Variants in MYO18B observed in about 807,000 individuals in gnomAD.
The protein encoded by MYO18B is unconventional myosin-XVIIIb.
In MYO18B, 204 loss-of-function variants were observed where a neutral mutation model predicts 273.0. The ratio of observed to expected loss-of-function variants is 0.75; its 90% CI spans 0.67 to 0.84. The LOEUF (loss-of-function observed/expected upper bound fraction) is 0.84. MYO18B is among the 40% of genes least tolerant of loss of function. MYO18B has a pLI of 0.00. For missense variants in MYO18B, 3,212 were observed against 3,287.6 expected (o/e 0.98, Z 0.56); for synonymous variants, 1,330 against 1,305.7 (o/e 1.02, Z -0.40).
chr22:25,773,769 T>C (rs1311831456), intron 7 of MYO18B, among the ~76,000 whole-genome samples: 1 of 152,156 alleles, frequency 6.6e-6, no homozygotes, highest in African/African-American at 2.4e-5. Flanking sequence ...GGCCGATTTG[T>C]ATCTATTTTT....
At chr22:25,924,319 A>G (rs552634987) in intron 34 of MYO18B, among the ~76,000 whole-genome samples, 3 of 152,246 alleles carry the variant, frequency 2.0e-5, no homozygotes, top group Non-Finnish European at 2.9e-5. Context: ...GCTGGCTGCT[A>G]CTTAAGTGCT....
At chr22:25,923,337 C>G (rs964734421) in intron 34 of MYO18B, among the ~76,000 whole-genome samples, 4 of 152,206 alleles carry the variant, frequency 2.6e-5, no homozygotes, top group Admixed American at 6.5e-5. Context: ...AGTCCTGGGT[C>G]CTGGGCAAGC....
intron 15 of MYO18B, 100 bp from the exon 16 acceptor site, chr22:25,832,817 A>C: frequency 1.0e-6 from 1 of 1,002,246 alleles, no homozygotes; most frequent in Non-Finnish European, 1.5e-6. Flanking sequence ...TAAAGGGCCA[A>C]GAGGTGATGG....
At chr22:26,024,241 C>A (rs932179236) in intron 42 of MYO18B, among the ~76,000 whole-genome samples, 2 of 152,144 alleles carry the variant, frequency 1.3e-5, no homozygotes, top group Admixed American at 6.5e-5. Context: ...ATAAATTATT[C>A]ATCATAACCA....
chr22:25,934,796 G>A (rs571172363), intron 34 of MYO18B, among the ~76,000 whole-genome samples: 3 of 152,300 alleles, frequency 2.0e-5, no homozygotes, highest in South Asian at 4.1e-4. Context: ...GCAGAGGGAT[G>A]ACTTTGAATA....
chr22:25,845,540 A>C lies in MYO18B; in HGVS notation c.3369-560A>C, dbSNP rs555446305. Among the ~76,000 whole-genome samples the C allele has an allele frequency of 3.2e-4, 48 of 151,712 alleles. 1 individual carries two copies. Among genetic ancestry groups the C allele is most frequent in the Admixed American group, 7.8e-4 (12 of 15,296 alleles). Reference sequence around the variant, plus strand: ...CAAAAAAACCAACAACAACAACAACAAAAACGAAAAGCTAGCATCCTGGCC... The same window carrying C: ...CAAAAAAACCAACAACAACAACAACCAAAACGAAAAGCTAGCATCCTGGCC... On this transcript the variant is annotated intron_variant, in intron 18 of 43. Transcript: ENST00000335473.
rs116810258 is a variant in MYO18B at position 25,776,307 on chromosome 22, C to T, written c.1870-1276C>T. Among the ~76,000 whole-genome samples the T allele has an allele frequency of 8.0e-3, 1,220 of 152,272 alleles. 20 individuals carry two copies. The highest frequency in any genetic ancestry group is 0.028 in the African/African-American group (1,165 of 41,552). The stretch of plus-strand genomic sequence containing the variant: ...TGTCCTGGTTTTCCTGGGACTAAAA[C>T]GTTTTCTGGGACATGAGACTTTCAA... On this transcript the variant is annotated intron_variant, in intron 7 of 43. Transcript: ENST00000335473.
chr22:25,998,457 A>G (rs757987222), intron 40 of MYO18B, among the ~76,000 whole-genome samples: 4 of 152,192 alleles, frequency 2.6e-5, no homozygotes, highest in Non-Finnish European at 5.9e-5. Flanking sequence ...AGCTGGCCCA[A>G]TCTGAGACGA....
chr22:25,754,961 C>T (rs1005872690), intron 1 of MYO18B, among the ~76,000 whole-genome samples: 2 of 152,180 alleles, frequency 1.3e-5, no homozygotes, highest in African/African-American at 2.4e-5. Context: ...CGGCTGCTGA[C>T]GTGGCCAGGC....
At chr22:25,997,606 C>T (rs542016751) in intron 40 of MYO18B, among the ~76,000 whole-genome samples, 67 of 152,188 alleles carry the variant, frequency 4.4e-4, no homozygotes, top group African/African-American at 1.6e-3. Flanking sequence ...GAAAAAATTG[C>T]CCATGAAGTC....
chr22:25,778,859 T>C (rs2087022019), intron 8 of MYO18B, among the ~76,000 whole-genome samples: 2 of 151,960 alleles, frequency 1.3e-5, no homozygotes, highest in African/African-American at 4.8e-5. Flanking sequence ...ATTTTATAGA[T>C]TGAAGGCATT....
rs1936345049 is a variant in MYO18B, at chr22:26,027,474, G to A, written c.7500G>A (p.Glu2500=). 2 of 1,613,956 alleles carry A rather than the reference G, an allele frequency of 1.2e-6. No homozygotes were observed. Among genetic ancestry groups the A allele is most frequent in the Non-Finnish European group, 1.7e-6 (2 of 1,179,884 alleles). ...TILKKSPEPK[E]DPAHLSDSSS... ...TGAAGAAGAGCCCGGAGCCCAAGGAGGATCCCGCTCACCTGTCTGACTCGT... is the reference window on the plus strand; with the variant it reads ...TGAAGAAGAGCCCGGAGCCCAAGGAAGATCCCGCTCACCTGTCTGACTCGT... Residue 2500 remains glutamate, a synonymous_variant, in exon 43 of 44, where the codon GAG becomes GAA. Coordinates refer to ENST00000335473, the MANE Select transcript of MYO18B (RefSeq NM_032608.7). The surrounding 1 kb of genome is among the most constrained non-coding windows in gnomAD (Gnocchi z 4.1).
In MYO18B at chr22:26,000,015, G is replaced by A. The variant is rs149939415; in HGVS notation, c.6288-3250G>A. On this transcript the variant is annotated intron_variant, in intron 40 of 43. Transcript: ENST00000335473. The stretch of plus-strand genomic sequence containing the variant: ...GAGAAAACCACTGACCGCATGTCAG[G>A]AGATGAGGGTCCCAGACAGCTGTAC... Among the ~76,000 whole-genome samples, 689 of 152,286 alleles carry A rather than the reference G, an allele frequency of 4.5e-3. 5 individuals carry two copies. Among genetic ancestry groups the A allele is most frequent in the African/African-American group, 0.016 (663 of 41,566 alleles).
chr22:26,036,407 A>G, the MYO18B span, among the ~76,000 whole-genome samples: 4 of 152,302 alleles, frequency 2.6e-5, no homozygotes, highest in Admixed American at 6.5e-5. Context: ...GTGATATTCA[A>G]ACATCACTTC....
intron 25 of MYO18B, among the ~76,000 whole-genome samples, chr22:25,884,120 G>T (rs930416108): frequency 6.6e-6 from 1 of 152,186 alleles, no homozygotes; most frequent in Non-Finnish European, 1.5e-5. Flanking sequence ...AGCCTGAGAG[G>T]TTTCGCTTTT....
Position 26,027,872 on chromosome 22 carries a change from G to A in MYO18B, c.*12+182G>A. On this transcript the variant is annotated intron_variant, in intron 43 of 43. Transcript: ENST00000335473. The surrounding 1 kb of genome is among the most constrained non-coding windows in gnomAD (Gnocchi z 4.1). ...CAAAGCTTTTCAGAACCCCTCTGCT[G>A]GGTACCTCTACTTCCTTGTACTTTG... The A allele has an allele frequency of 1.6e-6, 1 of 611,976 alleles. No homozygotes were observed. The highest frequency in any genetic ancestry group is 2.9e-5 in the East Asian group (1 of 34,280). 37.9% of individuals were successfully genotyped at this position (611,976 alleles called of 1,614,324 possible). A position where few individuals can be genotyped will look rare whatever the true frequency, so the allele number is the denominator to read the frequency against.
intron 21 of MYO18B, among the ~76,000 whole-genome samples, chr22:25,856,959 C>G (rs1001442204): frequency 6.6e-6 from 1 of 152,164 alleles, no homozygotes; most frequent in Admixed American, 6.5e-5. Flanking sequence ...ATGGTCCTCT[C>G]TAGGAAGCAG....
chr22:25,818,805 C>G (rs577621501), intron 12 of MYO18B, among the ~76,000 whole-genome samples: 1 of 152,112 alleles, frequency 6.6e-6, no homozygotes, highest in Non-Finnish European at 1.5e-5. Flanking sequence ...GCCAGGCACT[C>G]TGCTGGGTAT....
At chr22:25,979,601 GC>G (rs2093128668) in intron 39 of MYO18B, among the ~76,000 whole-genome samples, 1 of 152,114 alleles carries the variant, frequency 6.6e-6, no homozygotes, top group South Asian at 2.1e-4. Flanking sequence ...GCTATTCTTT[GC>G]CCCTTTCTGA....
Sources: gnomAD v4.1 joint callset for allele counts (sites outside exome capture counted in the v4.1 genomes callset) on GRCh38, gnomAD v4.1.1 for gene constraint, Gnocchi (gnomAD v3.1) non-coding constraint, MANE v1.5 for transcripts, NCBI Gene and HGNC (gene_info 2026-07-23, HGNC 2026-07-21) for gene names.